SV2C: variants seen among roughly 807,000 people sequenced by gnomAD.
SV2C encodes synaptic vesicle glycoprotein 2C.
In SV2C, 49 loss-of-function variants were observed where a neutral mutation model predicts 79.7. The observed-to-expected ratio is 0.61, with a 90% CI of 0.49 to 0.78. The LOEUF is 0.78. SV2C is among the 30% of genes least tolerant of loss of function. The pLI is 0.00. For synonymous variants in SV2C, 334 were observed against 333.2 expected, an observed-to-expected ratio of 1.00 and a Z score of -0.03; for missense variants, 833 against 912.9, an observed-to-expected ratio of 0.91 and a Z score of 1.13.
At chr5:76,073,538 T>TAC in the SV2C span, among the ~76,000 whole-genome samples, 1 of 124,512 alleles carries the variant, frequency 8.0e-6, no homozygotes, top group East Asian at 2.7e-4. Flanking sequence ...TATATATATA[T>TAC]ATATATACAC....
the SV2C span, among the ~76,000 whole-genome samples, chr5:76,023,281 A>G: frequency 6.6e-6 from 1 of 152,174 alleles, no homozygotes. Context: ...CTGTCAAAAT[A>G]AAGTAGTCAA....
chr5:76,319,631 C>A (rs1469387), intron 12 of SV2C, among the ~76,000 whole-genome samples: 13,905 of 152,062 alleles, frequency 0.091, 691 homozygotes, highest in Admixed American at 0.14. Flanking sequence ...AGGATTTGAT[C>A]GTCTTTTTCA....
At chr5:76,240,704 C>T (rs1012339714) in intron 4 of SV2C, among the ~76,000 whole-genome samples, 3 of 152,176 alleles carry the variant, frequency 2.0e-5, no homozygotes, top group African/African-American at 7.2e-5. Flanking sequence ...GCTCTGGGTT[C>T]ACCTCTCAAG....
At chr5:76,164,258 C>A (rs1742978069) in intron 2 of SV2C, among the ~76,000 whole-genome samples, 1 of 152,110 alleles carries the variant, frequency 6.6e-6, no homozygotes, top group African/African-American at 2.4e-5. Flanking sequence ...TATTTTGATA[C>A]CCCTGGCTCC....
chr5:75,991,230 C>T, the SV2C span, among the ~76,000 whole-genome samples: 1 of 151,830 alleles, frequency 6.6e-6, no homozygotes, highest in African/African-American at 2.4e-5. Context: ...TCTGTATTTA[C>T]TGACAATAGG....
At chr5:75,881,304 T>A in the SV2C span, among the ~76,000 whole-genome samples, 1 of 152,194 alleles carries the variant, frequency 6.6e-6, no homozygotes, top group East Asian at 1.9e-4. Flanking sequence ...AGAAAAATAG[T>A]AGCTACATCC....
chr5:76,160,847 T>C (rs1301022068), intron 2 of SV2C, among the ~76,000 whole-genome samples: 2 of 152,136 alleles, frequency 1.3e-5, no homozygotes, highest in Non-Finnish European at 2.9e-5. Context: ...TCAAGGCCCC[T>C]AGGATGGCTT....
chr5:76,324,014 A>T (rs1748909304), intron 12 of SV2C, among the ~76,000 whole-genome samples: 1 of 152,244 alleles, frequency 6.6e-6, no homozygotes, highest in Admixed American at 6.5e-5. Flanking sequence ...CTGAAAGTAA[A>T]ATACAAAATA....
chr5:76,267,322 A>G (rs550566967), intron 4 of SV2C, among the ~76,000 whole-genome samples: 51 of 152,338 alleles, frequency 3.3e-4, no homozygotes, highest in South Asian at 1.2e-3. Context: ...ATGCATATAT[A>G]TGAGGGAGTC....
At chr5:75,947,495 T>G in the SV2C span, among the ~76,000 whole-genome samples, 2 of 152,062 alleles carry the variant, frequency 1.3e-5, no homozygotes, top group African/African-American at 4.8e-5. Context: ...TGAAAATTCT[T>G]GTCCCTCAGA....
At position 76,278,882 on chromosome 5, in the gene SV2C, G is replaced by A. The variant is rs79533708; in HGVS notation, c.914-6280G>A. On this transcript the variant is annotated intron_variant, in intron 4 of 12. Transcript: ENST00000502798. Reference sequence around the variant, plus strand: ...AACTCTGGCTGCTATAGGAAGAGTGGACTATGGAGGACCAAGAGTGACAGG... The same window carrying A: ...AACTCTGGCTGCTATAGGAAGAGTGAACTATGGAGGACCAAGAGTGACAGG... Among the ~76,000 whole-genome samples, 92 of 152,358 alleles carry A rather than the reference G, an allele frequency of 6.0e-4. No individual in the cohort carries two copies. The East Asian group carries it at 0.015, about 25-fold the overall frequency.
intron 4 of SV2C, among the ~76,000 whole-genome samples, chr5:76,257,880 G>A (rs1746337635): frequency 6.7e-6 from 1 of 150,068 alleles, no homozygotes; most frequent in African/African-American, 2.5e-5. Flanking sequence ...AGTGTGTGGG[G>A]TTTGAACATG....
chr5:76,252,318 G>A (rs932109299), intron 4 of SV2C, among the ~76,000 whole-genome samples: 3 of 152,042 alleles, frequency 2.0e-5, no homozygotes, highest in African/African-American at 7.2e-5. Context: ...ATGGGGTTTT[G>A]CCATGTTGGC....
At chr5:76,296,181 T>A (rs1747751478) in intron 9 of SV2C, 1 of 268,226 alleles carries the variant, frequency 3.7e-6, no homozygotes, top group Non-Finnish European at 6.9e-6. Context: ...TATTAGGTAG[T>A]GGACTTGACT....
chr5:75,921,468 C>T, the SV2C span: 1 of 795,046 alleles, frequency 1.3e-6, no homozygotes, highest in South Asian at 1.3e-5. Flanking sequence ...GCCCATAAGG[C>T]AGTCGGTCTC....
intron 4 of SV2C, among the ~76,000 whole-genome samples, chr5:76,217,837 A>G (rs905719500): frequency 4.6e-5 from 7 of 152,342 alleles, no homozygotes; most frequent in African/African-American, 1.4e-4. Flanking sequence ...TTTTTACCCA[A>G]TAAATCAGAA....
At chr5:76,172,451 C>T (rs1476320872) in intron 2 of SV2C, among the ~76,000 whole-genome samples, 13 of 89,238 alleles carry the variant, frequency 1.5e-4, no homozygotes, top group African/African-American at 5.7e-4. Context: ...CCCAGCCAGC[C>T]GCCCTGTCCG....
At chr5:76,244,410 A>C (rs1338932901) in intron 4 of SV2C, among the ~76,000 whole-genome samples, 4 of 152,264 alleles carry the variant, frequency 2.6e-5, no homozygotes, top group Non-Finnish European at 4.4e-5. Context: ...TCCAGTAGAA[A>C]TATAACATGA....
the SV2C span, among the ~76,000 whole-genome samples, chr5:76,076,255 TG>T: frequency 2.0e-5 from 3 of 152,236 alleles, no homozygotes; most frequent in Admixed American, 6.5e-5. Context: ...GTATGGAAGC[TG>T]GACTGGATGT....
Sources: gnomAD v4.1 joint callset for allele counts (sites outside exome capture counted in the v4.1 genomes callset) on GRCh38, gnomAD v4.1.1 for gene constraint, MANE v1.5 for transcripts, NCBI Gene and HGNC (gene_info 2026-07-23, HGNC 2026-07-21) for gene names.